AGBL4: variants seen among roughly 807,000 people sequenced by gnomAD.
AGBL4 encodes the protein cytosolic carboxypeptidase 6.
In AGBL4, 58 loss-of-function variants were observed where a neutral mutation model predicts 66.4. The observed-to-expected ratio is 0.87, with a 90% CI of 0.71 to 1.09. The LOEUF (loss-of-function observed/expected upper bound fraction) is 1.09, where lower values mean the gene tolerates loss of function less well. Among genes scored for constraint, AGBL4 ranks in the 50% least tolerant of loss-of-function variants. The pLI is 0.00. For missense variants in AGBL4, 579 were observed against 631.0 expected, an observed-to-expected ratio of 0.92 and a Z score of 0.88; for synonymous variants, 234 against 222.9, an observed-to-expected ratio of 1.05 and a Z score of -0.44.
intron 3 of AGBL4, 100 bp from the exon 4 acceptor site, chr1:49,245,964 A>G: frequency 1.2e-6 from 1 of 841,652 alleles, no homozygotes; most frequent in South Asian, 1.6e-5. Context: ...AGAAAGCCAT[A>G]TGGACTAGCA....
intron 1 of AGBL4, among the ~76,000 whole-genome samples, chr1:49,948,568 TATATATATATATATAG>T (rs1655761819): frequency 1.4e-5 from 1 of 70,472 alleles, no homozygotes; most frequent in African/African-American, 4.8e-5. Context: ...TATAAAAATA[TATATATATATATATAG>T]AGAGAGAGAG....
At chr1:48,796,517 C>T (rs1427148938) in intron 6 of AGBL4, among the ~76,000 whole-genome samples, 3 of 152,104 alleles carry the variant, frequency 2.0e-5, no homozygotes. Context: ...TTAGTATTGT[C>T]TTGGAAGGAA....
chr1:48,725,731 T>G (rs1647232434), intron 6 of AGBL4, among the ~76,000 whole-genome samples: 1 of 152,186 alleles, frequency 6.6e-6, no homozygotes, highest in African/African-American at 2.4e-5. Context: ...TTGAGCCCAT[T>G]TCTTCATTTG....
At chr1:50,007,837 G>T (rs1265681339) in intron 1 of AGBL4, among the ~76,000 whole-genome samples, 1 of 151,840 alleles carries the variant, frequency 6.6e-6, no homozygotes, top group Non-Finnish European at 1.5e-5. Context: ...GATGAAAAAA[G>T]ATATTCCATG....
intron 4 of AGBL4, among the ~76,000 whole-genome samples, chr1:49,174,254 A>C (rs1244337970): frequency 6.6e-6 from 1 of 152,094 alleles, no homozygotes; most frequent in Non-Finnish European, 1.5e-5. Context: ...GTTAGAAAAA[A>C]TTTTTATAAA....
At chr1:49,727,294 G>A (rs1011862861) in intron 2 of AGBL4, among the ~76,000 whole-genome samples, 6 of 151,982 alleles carry the variant, frequency 3.9e-5, no homozygotes, top group African/African-American at 1.2e-4. Context: ...TATTCAAATG[G>A]CAATATTCAA....
chr1:49,930,020 A>G (rs998923991), intron 1 of AGBL4, among the ~76,000 whole-genome samples: 2 of 152,078 alleles, frequency 1.3e-5, no homozygotes, highest in African/African-American at 4.8e-5. Context: ...GTGAGATAAT[A>G]AAGACTACTA....
rs890759246 is a variant in AGBL4 at position 49,427,753 on chromosome 1, G to A, written c.283-181889C>T. ...AACAAAAGAAGAAAGTTTCCACGGCGCAGAATGGGACCTGAGCAGGTTGCT... is the reference window on the plus strand; with the variant it reads ...AACAAAAGAAGAAAGTTTCCACGGCACAGAATGGGACCTGAGCAGGTTGCT... On this transcript the variant is annotated intron_variant, in intron 3 of 13. Coordinates refer to ENST00000371839, the MANE Select transcript of AGBL4 (RefSeq NM_032785.4). Among the ~76,000 whole-genome samples the A allele has an allele frequency of 5.9e-5, 9 of 152,336 alleles. No homozygotes were observed. In the South Asian group the frequency reaches 6.2e-4, roughly 11 times the overall value.
intron 9 of AGBL4, among the ~76,000 whole-genome samples, chr1:48,603,856 A>G (rs540309872): frequency 6.6e-6 from 1 of 152,324 alleles, no homozygotes; most frequent in African/African-American, 2.4e-5. Flanking sequence ...CTGTAATCCC[A>G]GCACTTTGGG....
At chr1:49,239,045 C>T (rs1050792422) in intron 4 of AGBL4, among the ~76,000 whole-genome samples, 3 of 152,118 alleles carry the variant, frequency 2.0e-5, no homozygotes, top group African/African-American at 7.2e-5. Context: ...TCCATCATGT[C>T]CCGGAACCAG....
At position 49,940,331 on chromosome 1, in the gene AGBL4, C is replaced by T. The variant is rs1654614456; in HGVS notation, c.34+83432G>A. On this transcript the variant is annotated intron_variant, in intron 1 of 13. Transcript: ENST00000371839. ...ATCTAGAACTAGAAATACCATTTGA[C>T]CCAGCCATCCCATTACTGGGTATAT... 3.3e-5 allele frequency among the ~76,000 whole-genome samples: 5 copies of T among 152,270 alleles called. No homozygotes were observed. In the South Asian group the frequency reaches 8.3e-4, roughly 25 times the overall value.
intron 9 of AGBL4, among the ~76,000 whole-genome samples, chr1:48,595,627 C>T (rs1047878099): frequency 4.6e-5 from 7 of 152,246 alleles, no homozygotes; most frequent in African/African-American, 1.7e-4. Context: ...AGCAGCTCCT[C>T]TTGCAATCAG....
chr1:48,843,112 G>A (rs1290699960), intron 6 of AGBL4, among the ~76,000 whole-genome samples: 1 of 152,110 alleles, frequency 6.6e-6, no homozygotes, highest in Admixed American at 6.6e-5. Context: ...GTAGTGTTAA[G>A]TAATTTTACT....
At chr1:49,135,139 G>A (rs967719144) in intron 4 of AGBL4, among the ~76,000 whole-genome samples, 14 of 151,502 alleles carry the variant, frequency 9.2e-5, no homozygotes, top group Non-Finnish European at 1.0e-4. Context: ...TGCCTGGCTC[G>A]CAGGCAGTCA....
At chr1:49,649,814 G>T (rs1276180521) in intron 3 of AGBL4, among the ~76,000 whole-genome samples, 1 of 151,944 alleles carries the variant, frequency 6.6e-6, no homozygotes, top group African/African-American at 2.4e-5. Flanking sequence ...ACAACGGAAT[G>T]AAACTAAAAA....
intron 6 of AGBL4, chr1:48,761,519 C>A: frequency 6.6e-7 from 1 of 1,524,922 alleles, no homozygotes; most frequent in South Asian, 1.2e-5. Flanking sequence ...TAAAATGAGT[C>A]ATTATGAGTT....
chr1:49,083,704 C>T (rs1259506356), intron 4 of AGBL4, among the ~76,000 whole-genome samples: 3 of 152,210 alleles, frequency 2.0e-5, no homozygotes, highest in Admixed American at 6.5e-5. Context: ...ATTTCTGCAG[C>T]TCTATTGAAT....
At chr1:48,729,248 T>G (rs1647702207) in intron 6 of AGBL4, among the ~76,000 whole-genome samples, 1 of 152,192 alleles carries the variant, frequency 6.6e-6, no homozygotes, top group Non-Finnish European at 1.5e-5. Flanking sequence ...AACACAGTGT[T>G]TGGCACAGTG....
chr1:48,709,584 CATTATT>C (rs10657477), intron 6 of AGBL4, among the ~76,000 whole-genome samples: 18 of 141,894 alleles, frequency 1.3e-4, no homozygotes, highest in African/African-American at 2.8e-4. Context: ...ATTTGCCAGG[CATTATT>C]ATTATTATTA....
Sources: allele counts gnomAD v4.1 joint callset (sites outside exome capture counted in the v4.1 genomes callset), GRCh38; gene constraint gnomAD v4.1.1; transcripts MANE v1.5; gene names NCBI Gene and HGNC (gene_info 2026-07-23, HGNC 2026-07-21).